Variants in APC observed in about 807,000 individuals in gnomAD.
APC encodes the protein adenomatous polyposis coli protein.
Under a neutral mutation model 247.0 loss-of-function variants are expected in APC, and 72 were observed. The observed-to-expected ratio is 0.29, with a 90% CI of 0.24 to 0.35. APC has a LOEUF of 0.35. Ranked by LOEUF, APC falls within the 10% of genes least tolerant of loss-of-function variation. The probability of loss-of-function intolerance (pLI) is 1.00; values close to 1 mark genes in which losing one functional copy is unlikely to be tolerated. For synonymous variants in APC, 1,254 were observed against 1,162.5 expected, an observed-to-expected ratio of 1.08 and a Z score of -1.60; for missense variants, 3,400 against 3,360.7, an observed-to-expected ratio of 1.01 and a Z score of -0.29.
At chr5:112,772,637 C>T (rs1045585332) in intron 4 of APC, among the ~76,000 whole-genome samples, 1 of 151,998 alleles carries the variant, frequency 6.6e-6, no homozygotes, top group African/African-American at 2.4e-5. Context: ...ATGCCTCAGC[C>T]TCCCAAGCAG....
intron 6 of APC, among the ~76,000 whole-genome samples, chr5:112,785,391 G>T (rs896607312): frequency 3.3e-5 from 5 of 152,176 alleles, no homozygotes; most frequent in Non-Finnish European, 7.3e-5. Context: ...AGGTGGAAAT[G>T]GGGGTAGGAG....
At chr5:112,797,347 A>G (rs910422624) in intron 7 of APC, among the ~76,000 whole-genome samples, 5 of 152,168 alleles carry the variant, frequency 3.3e-5, no homozygotes, top group Non-Finnish European at 7.4e-5. Flanking sequence ...AGATGGAGAA[A>G]ATTGGGGATT....
chr5:112,835,403 G>A (rs996478644), intron 15 of APC, among the ~76,000 whole-genome samples: 1 of 151,972 alleles, frequency 6.6e-6, no homozygotes, highest in Non-Finnish European at 1.5e-5. Context: ...GTAGCCCATA[G>A]GTGGAGGAAA....
chr5:112,787,638 A>G (rs1759115182), intron 6 of APC, among the ~76,000 whole-genome samples: 1 of 152,182 alleles, frequency 6.6e-6, no homozygotes, highest in Non-Finnish European at 1.5e-5. Context: ...CCCTACTGTT[A>G]AATGTCTTGT....
chr5:112,810,484 A>G (rs2431507), intron 8 of APC, among the ~76,000 whole-genome samples: 12,809 of 152,296 alleles, frequency 0.084, 615 homozygotes, highest in Middle Eastern at 0.14. Context: ...TGACAAGGGA[A>G]ACAAAAAGAT....
chr5:112,761,341 A>G (rs958692431), intron 2 of APC, among the ~76,000 whole-genome samples: 2 of 152,240 alleles, frequency 1.3e-5, no homozygotes, highest in African/African-American at 4.8e-5. Flanking sequence ...CACATGTTGC[A>G]GTTAGTAGTC....
intron 2 of APC, among the ~76,000 whole-genome samples, chr5:112,757,462 C>T (rs915279441): frequency 2.0e-5 from 3 of 151,970 alleles, no homozygotes; most frequent in African/African-American, 4.8e-5. Flanking sequence ...GGCTGGGCAC[C>T]GTGGCTCATA....
rs774935084 is a variant in APC at position 112,839,161 on chromosome 5, A to G, written c.3567A>G (p.Ser1189=). 6.2e-6 allele frequency: 10 copies of G among 1,614,060 alleles called. 1 individual carries two copies. In the South Asian group the frequency reaches 1.1e-4, roughly 18 times the overall value. ...TAAAATATGCCACAGATATTCCTTC[A>G]TCACAGAAACAGTCATTTTCATTCT... ...YSLKYATDIP[S]SQKQSFSFSK... is the part of the protein sequence containing the mutation. The change falls in exon 16 of 16, where the codon TCA becomes TCG. Residue 1189 remains serine, a synonymous_variant. Coordinates refer to ENST00000257430, the MANE Select transcript of APC (RefSeq NM_000038.6). This position sits in a 1 kb window ranked among gnomAD's most constrained non-coding sequence, Gnocchi z 5.0.
chr5:112,818,172 T>G (rs1762698465), intron 9 of APC, among the ~76,000 whole-genome samples: 1 of 152,242 alleles, frequency 6.6e-6, no homozygotes, highest in Non-Finnish European at 1.5e-5. Context: ...AACCATTGAC[T>G]TATAGAGAAT....
At chr5:112,836,177 C>CCT (rs1764915430) in intron 15 of APC, among the ~76,000 whole-genome samples, 1 of 88,066 alleles carries the variant, frequency 1.1e-5, no homozygotes, top group African/African-American at 3.6e-5. Context: ...CCCCCCCCCC[C>CCT]CCGCCACCGT....
chr5:112,820,787 A>C (rs897420147), intron 10 of APC, among the ~76,000 whole-genome samples: 4 of 152,184 alleles, frequency 2.6e-5, no homozygotes, highest in African/African-American at 9.7e-5. Flanking sequence ...CCTTTTAAAA[A>C]ATATCTGTTT....
At chr5:112,739,119 ATAT>A (rs1413060934) in intron 1 of APC, among the ~76,000 whole-genome samples, 3 of 152,220 alleles carry the variant, frequency 2.0e-5, no homozygotes, top group Non-Finnish European at 2.9e-5. Flanking sequence ...AATATTTAAG[ATAT>A]TAATTCAGTG....
At chr5:112,820,079 G>A (rs569220656) in intron 10 of APC, among the ~76,000 whole-genome samples, 2 of 152,196 alleles carry the variant, frequency 1.3e-5, no homozygotes, top group African/African-American at 4.8e-5. Context: ...GGAGCAGCAT[G>A]GGAGTTAGGA....
intron 11 of APC, among the ~76,000 whole-genome samples, chr5:112,826,344 T>C (rs1763656886): frequency 6.6e-6 from 1 of 152,206 alleles, no homozygotes; most frequent in Admixed American, 6.6e-5. Flanking sequence ...GCTTCACTTT[T>C]TTTTTAACTG....
At chr5:112,788,170 A>G (rs1195687757) in intron 6 of APC, among the ~76,000 whole-genome samples, 1 of 152,112 alleles carries the variant, frequency 6.6e-6, no homozygotes, top group Non-Finnish European at 1.5e-5. Context: ...GCCTGCACTG[A>G]TACCACATTT....
chr5:112,780,649 G>T, intron 5 of APC, 141 bp from the exon 6 acceptor site: 1 of 626,634 alleles, frequency 1.6e-6, no homozygotes, highest in Admixed American at 2.5e-5. Flanking sequence ...ACACTCCTTG[G>T]AGTAAAAAAT....
intron 1 of APC, among the ~76,000 whole-genome samples, chr5:112,744,660 T>A (rs1753437251): frequency 6.6e-6 from 1 of 152,054 alleles, no homozygotes; most frequent in South Asian, 2.1e-4. Context: ...GAAAAAAGGA[T>A]GTGGTATTCA....
chr5:112,843,485 T>C lies in APC; in HGVS notation c.7891T>C (p.Ser2631Pro). The C allele has an allele frequency of 6.2e-7, 1 of 1,614,028 alleles. No individual in the cohort carries two copies. Reference protein sequence around the residue: ...SPTNSTSQTVSSGATNGAESK... With the variant: ...SPTNSTSQTVPSGATNGAESK... ...CACAAATAGTACTTCTCAGACCGTTTCCTCAGGTGCTACAAATGGTGCTGA... is the reference window on the plus strand; with the variant it reads ...CACAAATAGTACTTCTCAGACCGTTCCCTCAGGTGCTACAAATGGTGCTGA... Residue 2631 changes from serine (S) to proline (P), a missense_variant, in exon 16 of 16, where the codon TCC becomes CCC. Ser to Pro is a moderately conservative substitution (Grantham distance 74, BLOSUM62 -1). Transcript: ENST00000257430. This position sits in a 1 kb window ranked among gnomAD's most constrained non-coding sequence, Gnocchi z 4.8.
At chr5:112,711,274 G>A (rs1394637211) in intron 1 of APC, among the ~76,000 whole-genome samples, 1 of 152,226 alleles carries the variant, frequency 6.6e-6, no homozygotes, top group Non-Finnish European at 1.5e-5. Context: ...TGTTCTTTAT[G>A]AGAATCTAAC....
Sources: allele counts gnomAD v4.1 joint callset (sites outside exome capture counted in the v4.1 genomes callset), GRCh38; gene constraint gnomAD v4.1.1; non-coding constraint Gnocchi (gnomAD v3.1); transcripts MANE v1.5; gene names NCBI Gene and HGNC (gene_info 2026-07-23, HGNC 2026-07-21).